CNTNAP2: variants seen among roughly 807,000 people sequenced by gnomAD.
CNTNAP2 encodes contactin associated protein 2.
A neutral mutation model predicts 155.2 loss-of-function variants in CNTNAP2; 98 were observed. The observed-to-expected ratio is 0.63, with a 90% CI of 0.54 to 0.75. The LOEUF (loss-of-function observed/expected upper bound fraction) is 0.75, where lower values mean the gene tolerates loss of function less well. CNTNAP2 is among the 30% of genes least tolerant of loss of function. The probability of loss-of-function intolerance (pLI) is 0.00; values close to 1 mark genes in which losing one functional copy is unlikely to be tolerated. For missense variants in CNTNAP2, 1,727 were observed against 1,688.1 expected (o/e 1.02, Z -0.40); for synonymous variants, 651 against 631.2 (o/e 1.03, Z -0.47).
intron 3 of CNTNAP2, among the ~76,000 whole-genome samples, chr7:146,854,644 G>A (rs991868901): frequency 2.0e-5 from 3 of 152,068 alleles, no homozygotes; most frequent in South Asian, 4.1e-4. Flanking sequence ...ATAAGTACAC[G>A]GGATCTACTC....
At chr7:146,846,172 A>C (rs1803837111) in intron 3 of CNTNAP2, among the ~76,000 whole-genome samples, 1 of 152,172 alleles carries the variant, frequency 6.6e-6, no homozygotes. Flanking sequence ...CACTTAGGAC[A>C]TGAATGTGAT....
chr7:146,456,377 T>C (rs1400473951), intron 1 of CNTNAP2, among the ~76,000 whole-genome samples: 1 of 152,186 alleles, frequency 6.6e-6, no homozygotes, highest in Non-Finnish European at 1.5e-5. Flanking sequence ...CTACCTATGA[T>C]TTAGGTGTAA....
intron 10 of CNTNAP2, among the ~76,000 whole-genome samples, chr7:147,472,913 T>C (rs922353772): frequency 6.6e-6 from 1 of 152,006 alleles, no homozygotes. Context: ...GCAGGTGGAG[T>C]GTCCAAGTTT....
chr7:147,007,197 G>T (rs2129242793), intron 3 of CNTNAP2, among the ~76,000 whole-genome samples: 1 of 152,210 alleles, frequency 6.6e-6, no homozygotes, highest in East Asian at 1.9e-4. Flanking sequence ...TCGCTACTGG[G>T]GAAAGTCCCT....
intron 1 of CNTNAP2, among the ~76,000 whole-genome samples, chr7:146,554,166 C>A (rs12539434): frequency 0.039 from 5,966 of 152,198 alleles, 152 homozygotes; most frequent in South Asian, 0.061. Flanking sequence ...TTGCTGGAAC[C>A]ATTTGAGGCC....
At chr7:148,346,473 A>G (rs1752224367) in intron 21 of CNTNAP2, among the ~76,000 whole-genome samples, 1 of 152,210 alleles carries the variant, frequency 6.6e-6, no homozygotes, top group Admixed American at 6.5e-5. Context: ...GATTTTTGCC[A>G]TTGAAAGTAA....
intron 1 of CNTNAP2, among the ~76,000 whole-genome samples, chr7:146,668,787 G>A (rs1585033882): frequency 6.6e-6 from 1 of 151,994 alleles, no homozygotes; most frequent in Non-Finnish European, 1.5e-5. Context: ...TTTTCAGTTG[G>A]TGTATAGTTG....
chr7:147,587,423 A>G (rs1454236105), intron 12 of CNTNAP2, among the ~76,000 whole-genome samples: 1 of 152,204 alleles, frequency 6.6e-6, no homozygotes, highest in Non-Finnish European at 1.5e-5. Context: ...ATTGACAGAG[A>G]CAAGAGAATC....
At chr7:146,674,621 C>A (rs1428522404) in intron 1 of CNTNAP2, among the ~76,000 whole-genome samples, 4 of 151,812 alleles carry the variant, frequency 2.6e-5, no homozygotes, top group African/African-American at 9.7e-5. Flanking sequence ...TGTGTAGGGG[C>A]TGGGGAGGAA....
intron 1 of CNTNAP2, among the ~76,000 whole-genome samples, chr7:146,619,731 A>G (rs2129156053): frequency 6.6e-6 from 1 of 152,268 alleles, no homozygotes; most frequent in East Asian, 1.9e-4. Flanking sequence ...TGCATTTTAT[A>G]TGTCCTCAAA....
At position 146,727,181 on chromosome 7, in the gene CNTNAP2, C is replaced by T. The variant is rs1164997438; in HGVS notation, c.98-47090C>T. On this transcript the variant is annotated intron_variant, in intron 1 of 23. Coordinates refer to ENST00000361727, the MANE Select transcript of CNTNAP2 (RefSeq NM_014141.6). Reference sequence around the variant, plus strand: ...CAATAAAATAAATACGAGATATCCCCATGATACCGCTATTGTCCAATAAAC... The same window carrying T: ...CAATAAAATAAATACGAGATATCCCTATGATACCGCTATTGTCCAATAAAC... 2.6e-5 allele frequency among the ~76,000 whole-genome samples: 4 copies of T among 152,184 alleles called. No individual in the cohort carries two copies. The East Asian group carries it at 7.7e-4, about 29-fold the overall frequency.
At chr7:147,933,516 G>GATAC (rs1487331652) in intron 14 of CNTNAP2, among the ~76,000 whole-genome samples, 1 of 151,844 alleles carries the variant, frequency 6.6e-6, no homozygotes, top group African/African-American at 2.4e-5. Context: ...TAGATAGATA[G>GATAC]ATAGATAGAT....
chr7:147,919,459 C>CTTTCTTTCTTTTTTTTTTTTTTTTTTTTT (rs58537091), intron 14 of CNTNAP2, among the ~76,000 whole-genome samples: 10 of 51,228 alleles, frequency 2.0e-4, no homozygotes, highest in African/African-American at 7.5e-4. Flanking sequence ...CTTTTTCTTT[C>CTTTCTTTCTTTTTTTTTTTTTTTTTTTTT]TTTTTTTTTT....
intron 17 of CNTNAP2, among the ~76,000 whole-genome samples, chr7:148,152,816 C>G (rs573257840): frequency 1.3e-5 from 2 of 151,916 alleles, no homozygotes; most frequent in Admixed American, 1.3e-4. Context: ...GTCAGGAGAT[C>G]GAGACCATCC....
intron 13 of CNTNAP2, among the ~76,000 whole-genome samples, chr7:147,726,070 G>T (rs1796636854): frequency 6.6e-6 from 1 of 151,986 alleles, no homozygotes. Flanking sequence ...TCAACAGTAT[G>T]GCGATAGAGA....
intron 13 of CNTNAP2, among the ~76,000 whole-genome samples, chr7:147,676,562 T>C (rs1437175690): frequency 6.6e-6 from 1 of 151,970 alleles, no homozygotes; most frequent in Non-Finnish European, 1.5e-5. Flanking sequence ...ATACAATATA[T>C]GGCTAACTAT....
intron 3 of CNTNAP2, among the ~76,000 whole-genome samples, chr7:146,886,466 A>G (rs996039281): frequency 2.6e-5 from 4 of 152,028 alleles, no homozygotes; most frequent in African/African-American, 9.7e-5. Flanking sequence ...GTGCCCTGGT[A>G]TATTCAATAA....
intron 15 of CNTNAP2, among the ~76,000 whole-genome samples, chr7:147,978,445 C>T (rs539335297): frequency 6.6e-6 from 1 of 152,162 alleles, no homozygotes; most frequent in Admixed American, 6.5e-5. Context: ...GACATTATTG[C>T]TATCAAACTT....
intron 14 of CNTNAP2, among the ~76,000 whole-genome samples, chr7:147,926,438 G>A (rs935564489): frequency 1.3e-5 from 2 of 152,182 alleles, no homozygotes; most frequent in African/African-American, 4.8e-5. Context: ...AAGTTTACCT[G>A]ATGTTTGATT....
Sources: gnomAD v4.1 joint callset for allele counts (sites outside exome capture counted in the v4.1 genomes callset) on GRCh38, gnomAD v4.1.1 for gene constraint, MANE v1.5 for transcripts, NCBI Gene and HGNC (gene_info 2026-07-23, HGNC 2026-07-21) for gene names.